PPP1R1C: variants seen among roughly 807,000 people sequenced by gnomAD.
PPP1R1C encodes the protein protein phosphatase 1 regulatory subunit 1C.
In PPP1R1C, 15 loss-of-function variants were observed where a neutral mutation model predicts 17.4. That is an observed-to-expected ratio of 0.86 (90% CI 0.58 to 1.33). The LOEUF (loss-of-function observed/expected upper bound fraction) is 1.33, where lower values mean the gene tolerates loss of function less well. PPP1R1C is among the 40% of genes most tolerant of loss of function. The probability of loss-of-function intolerance (pLI) is 0.00; values close to 1 mark genes in which losing one functional copy is unlikely to be tolerated. For synonymous variants in PPP1R1C, 35 were observed against 43.1 expected, an observed-to-expected ratio of 0.81 and a Z score of 0.73; for missense variants, 143 against 130.0, an observed-to-expected ratio of 1.10 and a Z score of -0.48.
chr2:182,100,005 C>T (rs1166385474), intron 4 of PPP1R1C, among the ~76,000 whole-genome samples: 2 of 152,136 alleles, frequency 1.3e-5, no homozygotes, highest in Non-Finnish European at 2.9e-5. Flanking sequence ...AAGTCCCAAA[C>T]TTTCTCTATT....
intron 1 of PPP1R1C, among the ~76,000 whole-genome samples, chr2:181,973,665 A>G (rs1574346031): frequency 6.6e-6 from 1 of 152,190 alleles, no homozygotes; most frequent in East Asian, 1.9e-4. Context: ...AAGAAAAGGG[A>G]CTTTTGGCAA....
At chr2:182,004,337 A>G (rs1452022262) in intron 2 of PPP1R1C, among the ~76,000 whole-genome samples, 1 of 152,190 alleles carries the variant, frequency 6.6e-6, no homozygotes, top group Non-Finnish European at 1.5e-5. Context: ...CATTTAACAG[A>G]TAGTTACTGA....
rs1362151238 is a variant in PPP1R1C at position 181,967,246 on chromosome 2, C to T, written n.112-7973C>T. 6.6e-6 allele frequency among the ~76,000 whole-genome samples: 1 copy of T among 151,922 alleles called. No homozygotes were observed. The highest frequency in any genetic ancestry group is 6.6e-5 in the Admixed American group (1 of 15,264). ...TGTTGGTTTTATCTTTTCAAAAAACCAAATTTTCCCTTTATTAATCTCATA... is the reference window on the plus strand; with the variant it reads ...TGTTGGTTTTATCTTTTCAAAAAACTAAATTTTCCCTTTATTAATCTCATA... On this transcript the variant is annotated intron_variant and non_coding_transcript_variant, in intron 1 of 5. Coordinates refer to the PPP1R1C transcript ENST00000464264. This position sits in a 1 kb window ranked among gnomAD's most constrained non-coding sequence, Gnocchi z 5.5.
chr2:181,962,010 C>T lies in PPP1R1C; in HGVS notation n.111+7376C>T. The T allele has an allele frequency of 1.4e-6, 1 of 731,380 alleles. No individual in the cohort carries two copies. Among genetic ancestry groups the T allele is most frequent in the South Asian group, 1.4e-5 (1 of 73,552 alleles). The allele number at this position is 731,380 out of a possible 1,614,324, so 45.3% of individuals were successfully genotyped here. On this transcript the variant is annotated intron_variant and non_coding_transcript_variant, in intron 1 of 5. Coordinates refer to the PPP1R1C transcript ENST00000464264. This position sits in a 1 kb window ranked among gnomAD's most constrained non-coding sequence, Gnocchi z 6.0. Reference sequence around the variant, plus strand: ...CTAAAGTCATCGGCTGCAAGACAGGCATTGTCAATCTGCAAAACGATGCCG... The same window carrying T: ...CTAAAGTCATCGGCTGCAAGACAGGTATTGTCAATCTGCAAAACGATGCCG...
At chr2:182,064,879 A>G (rs1201231197) in intron 4 of PPP1R1C, among the ~76,000 whole-genome samples, 1 of 152,094 alleles carries the variant, frequency 6.6e-6, no homozygotes, top group Non-Finnish European at 1.5e-5. Flanking sequence ...CAGTTTTGGC[A>G]TGAATGGGCA....
At chr2:182,070,672 T>C (rs1047085856) in intron 4 of PPP1R1C, among the ~76,000 whole-genome samples, 7 of 152,280 alleles carry the variant, frequency 4.6e-5, no homozygotes, top group African/African-American at 1.7e-4. Context: ...GGTAAATCAA[T>C]AGTTGTATAA....
chr2:182,101,102 C>T (rs1020896242), intron 4 of PPP1R1C, among the ~76,000 whole-genome samples: 5 of 152,294 alleles, frequency 3.3e-5, no homozygotes, highest in South Asian at 2.1e-4. Context: ...TAATGTTACT[C>T]GGTGAGAAAT....
chr2:182,127,018 C>T (rs963155479), intron 5 of PPP1R1C, among the ~76,000 whole-genome samples: 21 of 151,946 alleles, frequency 1.4e-4, no homozygotes, highest in African/African-American at 4.3e-4. Context: ...GAAGCTAATT[C>T]GAAGGAACGA....
At chr2:182,128,185 G>A (rs1689921614) in intron 5 of PPP1R1C, among the ~76,000 whole-genome samples, 3 of 152,050 alleles carry the variant, frequency 2.0e-5, no homozygotes, top group South Asian at 2.1e-4. Context: ...ACTCATGGGT[G>A]TATATTTTAG....
chr2:182,022,910 A>G (rs12693291), intron 2 of PPP1R1C, among the ~76,000 whole-genome samples: 97,406 of 152,060 alleles, frequency 0.64, 32,488 homozygotes, highest in Non-Finnish European at 0.75. Flanking sequence ...ATCCTTAGAC[A>G]TATGCTTAGG....
intron 2 of PPP1R1C, among the ~76,000 whole-genome samples, chr2:181,997,242 AAAAG>A (rs1188069534): frequency 2.0e-5 from 3 of 151,812 alleles, no homozygotes; most frequent in Non-Finnish European, 4.4e-5. Flanking sequence ...AAAAAAAAAA[AAAAG>A]AAAAGAAGAC....
At chr2:182,113,568 C>G (rs1251874352) in intron 4 of PPP1R1C, among the ~76,000 whole-genome samples, 1 of 152,114 alleles carries the variant, frequency 6.6e-6, no homozygotes, top group Admixed American at 6.6e-5. Context: ...GGAATACCAC[C>G]AACACTGCCA....
intron 2 of PPP1R1C, among the ~76,000 whole-genome samples, chr2:182,027,693 C>G (rs963684870): frequency 1.3e-5 from 2 of 150,828 alleles, no homozygotes; most frequent in Non-Finnish European, 2.9e-5. Flanking sequence ...GTGTCTCTGC[C>G]TGGCTTTGGT....
At chr2:182,058,493 A>G (rs989614334) in intron 2 of PPP1R1C, among the ~76,000 whole-genome samples, 1 of 152,202 alleles carries the variant, frequency 6.6e-6, no homozygotes, top group South Asian at 2.1e-4. Context: ...CTCCTTTTCC[A>G]TACTGCACTC....
chr2:182,107,342 A>G (rs1368801620), intron 4 of PPP1R1C, among the ~76,000 whole-genome samples: 1 of 152,218 alleles, frequency 6.6e-6, no homozygotes, highest in East Asian at 1.9e-4. Flanking sequence ...CTTAAAATTC[A>G]TCAGTTCTTT....
At chr2:182,020,850 T>G (rs1318564017) in intron 2 of PPP1R1C, among the ~76,000 whole-genome samples, 3 of 152,228 alleles carry the variant, frequency 2.0e-5, no homozygotes, top group African/African-American at 7.2e-5. Context: ...GACTTTGTTT[T>G]TGGATTCTCA....
chr2:182,121,492 A>G (rs923213841), downstream of PPP1R1C, among the ~76,000 whole-genome samples: 1 of 151,664 alleles, frequency 6.6e-6, no homozygotes, highest in African/African-American at 2.4e-5. Context: ...ATTTTTATTT[A>G]TTTATTTATT....
At chr2:181,996,469 T>G (rs16867522) in intron 2 of PPP1R1C, among the ~76,000 whole-genome samples, 3,493 of 152,300 alleles carry the variant, frequency 0.023, 56 homozygotes, top group Non-Finnish European at 0.038. Context: ...CTGTGAGTCT[T>G]CTCTGGGCTT....
At chr2:182,021,562 A>G (rs1016535461) in intron 2 of PPP1R1C, among the ~76,000 whole-genome samples, 24 of 151,922 alleles carry the variant, frequency 1.6e-4, no homozygotes, top group African/African-American at 5.6e-4. Context: ...TCTTGACCTC[A>G]TGATCCTCCC....
Sources: gnomAD v4.1 joint callset for allele counts (sites outside exome capture counted in the v4.1 genomes callset) on GRCh38, gnomAD v4.1.1 for gene constraint, Gnocchi (gnomAD v3.1) non-coding constraint, MANE v1.5 for transcripts, NCBI Gene and HGNC (gene_info 2026-07-23, HGNC 2026-07-21) for gene names.